CTNND2: variants seen among roughly 807,000 people sequenced by gnomAD.
CTNND2 encodes the protein catenin delta 2.
CTNND2 carries 22 observed loss-of-function variants against 144.4 expected under a neutral mutation model. The observed-to-expected ratio is 0.15, with a 90% CI of 0.11 to 0.22. CTNND2 has a LOEUF of 0.22. CTNND2 is among the 10% of genes least tolerant of loss of function. The pLI is 1.00. For synonymous variants in CTNND2, 751 were observed against 695.6 expected (o/e 1.08, Z -1.25); for missense variants, 1,353 against 1,618.8 (o/e 0.84, Z 2.82).
intron 10 of CTNND2, among the ~76,000 whole-genome samples, chr5:11,203,319 C>T (rs1418523292): frequency 6.6e-6 from 1 of 152,212 alleles, no homozygotes; most frequent in Non-Finnish European, 1.5e-5. Flanking sequence ...TCCCCCTAGT[C>T]GATCACTCCA....
chr5:11,625,566 C>A (rs1339043885), intron 2 of CTNND2, among the ~76,000 whole-genome samples: 1 of 152,052 alleles, frequency 6.6e-6, no homozygotes, highest in Non-Finnish European at 1.5e-5. Flanking sequence ...TTAAACATTT[C>A]TTTAAAATGA....
intron 11 of CTNND2, among the ~76,000 whole-genome samples, chr5:11,174,506 GCTGA>G (rs1276917151): frequency 6.6e-6 from 1 of 152,058 alleles, no homozygotes; most frequent in African/African-American, 2.4e-5. Context: ...TCTGTTAGTT[GCTGA>G]CTTATTTTTT....
intron 3 of CTNND2, among the ~76,000 whole-genome samples, chr5:11,450,502 C>T (rs1765204353): frequency 6.6e-6 from 1 of 152,208 alleles, no homozygotes; most frequent in Non-Finnish European, 1.5e-5. Context: ...AGATCCTCAG[C>T]TTTGTCCCAC....
At chr5:11,505,348 G>T (rs1770927062) in intron 3 of CTNND2, among the ~76,000 whole-genome samples, 1 of 152,152 alleles carries the variant, frequency 6.6e-6, no homozygotes, top group African/African-American at 2.4e-5. Flanking sequence ...AGAAAATCCA[G>T]TCAGCAGGGC....
At chr5:11,816,485 G>A (rs1792666389) in intron 1 of CTNND2, among the ~76,000 whole-genome samples, 1 of 150,452 alleles carries the variant, frequency 6.6e-6, no homozygotes, top group African/African-American at 2.4e-5. Context: ...CGCAATAGAG[G>A]GGCCGCAGTC....
chr5:11,601,350 C>A (rs1185972281), intron 2 of CTNND2, among the ~76,000 whole-genome samples: 1 of 151,808 alleles, frequency 6.6e-6, no homozygotes, highest in Admixed American at 6.6e-5. Flanking sequence ...TCTTGCAATT[C>A]TATGGAAAAT....
At chr5:11,655,494 G>T (rs958377497) in intron 2 of CTNND2, among the ~76,000 whole-genome samples, 5 of 152,086 alleles carry the variant, frequency 3.3e-5, no homozygotes, top group South Asian at 2.1e-4. Flanking sequence ...TAAAGTAAAA[G>T]AACAGGATTG....
rs34532125 is a variant in CTNND2, at chr5:11,545,662, CAAAAAAAAAAAAAA to C, written c.287+19268_287+19281del. ...TTGGTGACAGAGCAAGACTGTGTCT[CAAAAAAAAAAAAAA>C]AAAAAAAAGGAAGAACATAAAGAAA... On this transcript the variant is annotated intron_variant, in intron 3 of 21. Transcript: ENST00000304623. Among the ~76,000 whole-genome samples the C allele has an allele frequency of 1.3e-3, 97 of 74,266 alleles. No homozygotes were observed. The Middle Eastern group carries it at 0.056, about 43-fold the overall frequency. 48.7% of individuals were successfully genotyped at this position (74,266 alleles called of 152,430 possible). A position where few individuals can be genotyped will look rare whatever the true frequency, so the allele number is the denominator to read the frequency against.
intron 2 of CTNND2, among the ~76,000 whole-genome samples, chr5:11,704,865 C>T (rs1312918865): frequency 2.0e-5 from 3 of 151,706 alleles, no homozygotes; most frequent in African/African-American, 7.3e-5. Flanking sequence ...CATAATCACA[C>T]GTAATAAAAA....
chr5:11,020,390 T>G (rs763892930), intron 17 of CTNND2, among the ~76,000 whole-genome samples: 2 of 152,116 alleles, frequency 1.3e-5, no homozygotes, highest in Non-Finnish European at 2.9e-5. Context: ...AAGGAATAAT[T>G]TAGGGTGGGC....
At chr5:11,313,177 C>A (rs1476055050) in intron 9 of CTNND2, among the ~76,000 whole-genome samples, 4 of 152,200 alleles carry the variant, frequency 2.6e-5, no homozygotes, top group African/African-American at 9.7e-5. Flanking sequence ...ACAGATAGGT[C>A]TGCTTTTCAA....
chr5:11,645,481 A>T (rs146698264), intron 2 of CTNND2, among the ~76,000 whole-genome samples: 30 of 152,354 alleles, frequency 2.0e-4, no homozygotes, highest in African/African-American at 6.7e-4. Flanking sequence ...TTCTTCCTAT[A>T]GTTATGTATA....
chr5:11,250,456 GCTCTCTCTCT>G (rs71595810), intron 9 of CTNND2, among the ~76,000 whole-genome samples: 17 of 73,196 alleles, frequency 2.3e-4, no homozygotes, highest in Non-Finnish European at 3.1e-4. Flanking sequence ...TTTAAAGGGT[GCTCTCTCTCT>G]CTCTCTCTCT....
intron 9 of CTNND2, among the ~76,000 whole-genome samples, chr5:11,312,342 G>A (rs1465747736): frequency 6.6e-6 from 1 of 151,342 alleles, no homozygotes; most frequent in East Asian, 2.0e-4. Context: ...ACCCAAGACT[G>A]GGAAGAAAAA....
chr5:11,086,329 G>A (rs1036629188), intron 15 of CTNND2, among the ~76,000 whole-genome samples: 1 of 152,108 alleles, frequency 6.6e-6, no homozygotes, highest in Admixed American at 6.5e-5. Context: ...AGGCTGCATA[G>A]AACAGAGTTG....
intron 3 of CTNND2, among the ~76,000 whole-genome samples, chr5:11,552,694 C>A (rs1488817139): frequency 1.3e-5 from 2 of 152,184 alleles, no homozygotes; most frequent in Non-Finnish European, 2.9e-5. Context: ...TTCTGCTATA[C>A]CCCCCTTCCT....
chr5:11,446,103 T>A (rs1291147047), intron 3 of CTNND2, among the ~76,000 whole-genome samples: 1 of 152,148 alleles, frequency 6.6e-6, no homozygotes, highest in Non-Finnish European at 1.5e-5. Flanking sequence ...CCCTGAATAG[T>A]TGGGACCACA....
In CTNND2 at chr5:11,519,311, C is replaced by A. The variant is rs115849320; in HGVS notation, c.287+45633G>T. Among the ~76,000 whole-genome samples, 599 of 152,200 alleles carry A rather than the reference C, an allele frequency of 3.9e-3. 5 individuals are homozygous for A. The highest frequency in any genetic ancestry group is 0.013 in the African/African-American group (546 of 41,520). On this transcript the variant is annotated intron_variant, in intron 3 of 21. Transcript: ENST00000304623. ...TTACCTACTTTAATTGGACTTTTGA[C>A]CCCTTCATTTCATTGAAATTGACTT...
At chr5:11,062,619 C>G (rs771701274) in intron 16 of CTNND2, among the ~76,000 whole-genome samples, 1 of 152,240 alleles carries the variant, frequency 6.6e-6, no homozygotes, top group Non-Finnish European at 1.5e-5. Flanking sequence ...ATGGGAACAA[C>G]GCCAAGCTCA....
Sources: gnomAD v4.1 joint callset for allele counts (sites outside exome capture counted in the v4.1 genomes callset) on GRCh38, gnomAD v4.1.1 for gene constraint, MANE v1.5 for transcripts, NCBI Gene and HGNC (gene_info 2026-07-23, HGNC 2026-07-21) for gene names.